Variants in ERBB4 observed in about 807,000 individuals in gnomAD.
ERBB4 encodes the protein erb-b2 receptor tyrosine kinase 4, also known as receptor tyrosine-protein kinase erbB-4.
ERBB4 carries 42 observed loss-of-function variants against 158.0 expected under a neutral mutation model. The observed-to-expected ratio is 0.27, with a 90% CI of 0.21 to 0.34. The LOEUF is 0.34. ERBB4 is among the 10% of genes least tolerant of loss of function. The probability of loss-of-function intolerance (pLI) is 1.00; values close to 1 mark genes in which losing one functional copy is unlikely to be tolerated. For missense variants in ERBB4, 1,333 were observed against 1,624.1 expected (o/e 0.82, Z 3.08); for synonymous variants, 583 against 558.7 (o/e 1.04, Z -0.61).
At chr2:211,450,304 T>C (rs1559180096) in intron 20 of ERBB4, among the ~76,000 whole-genome samples, 3 of 152,122 alleles carry the variant, frequency 2.0e-5, no homozygotes, top group Non-Finnish European at 4.4e-5. Flanking sequence ...GGATGTTGAC[T>C]TTTATCTTAA....
At chr2:212,113,955 G>T (rs1386672299) in intron 2 of ERBB4, among the ~76,000 whole-genome samples, 2 of 152,050 alleles carry the variant, frequency 1.3e-5, no homozygotes, top group African/African-American at 4.8e-5. Flanking sequence ...TCCTGATTAT[G>T]ACTTTTTATT....
chr2:211,911,750 G>A (rs2079545294), intron 3 of ERBB4, among the ~76,000 whole-genome samples: 1 of 151,714 alleles, frequency 6.6e-6, no homozygotes, highest in Non-Finnish European at 1.5e-5. Context: ...GAGACTGGGG[G>A]TTGGAGAAAA....
At chr2:212,014,675 T>C (rs1559319175) in intron 2 of ERBB4, among the ~76,000 whole-genome samples, 1 of 152,112 alleles carries the variant, frequency 6.6e-6, no homozygotes, top group Admixed American at 6.5e-5. Context: ...CATGGAGACA[T>C]AGCCTCTTTT....
At chr2:212,378,509 G>A (rs2090400585) in intron 1 of ERBB4, among the ~76,000 whole-genome samples, 1 of 151,884 alleles carries the variant, frequency 6.6e-6, no homozygotes, top group Non-Finnish European at 1.5e-5. Context: ...CTCCAGCAAA[G>A]ATACTGGGGT....
intron 2 of ERBB4, among the ~76,000 whole-genome samples, chr2:211,967,801 A>T (rs2081345997): frequency 6.6e-6 from 1 of 151,984 alleles, no homozygotes; most frequent in Non-Finnish European, 1.5e-5. Context: ...TTATTAATTT[A>T]TTCATTAGTT....
intron 2 of ERBB4, among the ~76,000 whole-genome samples, chr2:212,096,688 T>C (rs938872926): frequency 2.6e-5 from 4 of 152,204 alleles, no homozygotes; most frequent in Non-Finnish European, 5.9e-5. Flanking sequence ...TTTAGCATTA[T>C]GCAAAATAAA....
At chr2:211,812,657 T>C (rs1304069859) in intron 3 of ERBB4, among the ~76,000 whole-genome samples, 1 of 152,210 alleles carries the variant, frequency 6.6e-6, no homozygotes, top group African/African-American at 2.4e-5. Context: ...GGTGGAGTCA[T>C]ACAGGCAGCA....
At chr2:211,554,151 A>ATG (rs530309445) in intron 20 of ERBB4, among the ~76,000 whole-genome samples, 179 of 152,234 alleles carry the variant, frequency 1.2e-3, no homozygotes, top group African/African-American at 4.2e-3. Flanking sequence ...AGCTGCAGTG[A>ATG]TGTGTGTGTG....
chr2:211,812,912 T>A (rs2076792786), intron 3 of ERBB4, among the ~76,000 whole-genome samples: 1 of 152,198 alleles, frequency 6.6e-6, no homozygotes, highest in Non-Finnish European at 1.5e-5. Context: ...ATGCAGTATT[T>A]GGGCGGGAGT....
At chr2:212,022,807 C>T (rs2076685658) in intron 2 of ERBB4, among the ~76,000 whole-genome samples, 1 of 151,990 alleles carries the variant, frequency 6.6e-6, no homozygotes, top group Non-Finnish European at 1.5e-5. Context: ...TGAAATAATT[C>T]ATTTCTTCAG....
intron 12 of ERBB4, among the ~76,000 whole-genome samples, chr2:211,689,873 G>C (rs1052804933): frequency 1.3e-5 from 2 of 151,858 alleles, no homozygotes; most frequent in Non-Finnish European, 2.9e-5. Context: ...CTTGTAAAGA[G>C]AAGTAGAGAA....
chr2:212,364,179 A>G (rs2089795984), intron 1 of ERBB4, among the ~76,000 whole-genome samples: 1 of 151,744 alleles, frequency 6.6e-6, no homozygotes, highest in South Asian at 2.1e-4. Flanking sequence ...AACCTAGCAT[A>G]CAGCTAGTTG....
At chr2:212,260,004 G>T (rs2084877047) in intron 1 of ERBB4, among the ~76,000 whole-genome samples, 1 of 151,714 alleles carries the variant, frequency 6.6e-6, no homozygotes, top group Non-Finnish European at 1.5e-5. Context: ...GGGAGGCAGA[G>T]GTTGCAGTGA....
chr2:211,723,464 T>C (rs2074167755), intron 6 of ERBB4, among the ~76,000 whole-genome samples: 1 of 152,168 alleles, frequency 6.6e-6, no homozygotes, highest in South Asian at 2.1e-4. Flanking sequence ...TCATAAATAG[T>C]ACATATGGTT....
chr2:212,002,876 T>C (rs1162899190), intron 2 of ERBB4, among the ~76,000 whole-genome samples: 5 of 151,798 alleles, frequency 3.3e-5, no homozygotes, highest in Non-Finnish European at 5.9e-5. Flanking sequence ...CTGGCCAATA[T>C]GGTGAAACCC....
chr2:211,441,522 A>G (rs897495198), intron 20 of ERBB4, among the ~76,000 whole-genome samples: 4 of 152,126 alleles, frequency 2.6e-5, no homozygotes, highest in African/African-American at 9.7e-5. Context: ...CAGGAGCCTC[A>G]TAGATGCTCA....
At chr2:211,653,712 T>C (rs915717474) in intron 16 of ERBB4, among the ~76,000 whole-genome samples, 1 of 152,026 alleles carries the variant, frequency 6.6e-6, no homozygotes, top group Non-Finnish European at 1.5e-5. Context: ...TCTTGCTCTA[T>C]CCCCCAGGCT....
At chr2:212,292,749 T>C (rs1040904995) in intron 1 of ERBB4, among the ~76,000 whole-genome samples, 4 of 152,102 alleles carry the variant, frequency 2.6e-5, no homozygotes, top group African/African-American at 4.8e-5. Flanking sequence ...TAGTGAAAAG[T>C]TGTTTAGCCT....
At chr2:211,976,955 A>C (rs1261691172) in intron 2 of ERBB4, among the ~76,000 whole-genome samples, 3 of 152,228 alleles carry the variant, frequency 2.0e-5, no homozygotes, top group Non-Finnish European at 4.4e-5. Flanking sequence ...CTGTAAAATA[A>C]AGATGTTAAA....
Sources: allele counts gnomAD v4.1 joint callset (sites outside exome capture counted in the v4.1 genomes callset), GRCh38; gene constraint gnomAD v4.1.1; transcripts MANE v1.5; gene names NCBI Gene and HGNC (gene_info 2026-07-23, HGNC 2026-07-21).